The following RGL1 variants were observed in gnomAD, a reference collection of about 807,000 sequenced individuals.
RGL1 encodes the protein ral guanine nucleotide dissociation stimulator-like 1.
In RGL1, 24 loss-of-function variants were observed where a neutral mutation model predicts 95.2. The ratio of observed to expected loss-of-function variants is 0.25; its 90% CI spans 0.18 to 0.35. The LOEUF (loss-of-function observed/expected upper bound fraction) is 0.35, where lower values mean the gene tolerates loss of function less well. RGL1 is among the 10% of genes least tolerant of loss of function. The pLI is 1.00. For missense variants in RGL1, 715 were observed against 936.3 expected (o/e 0.76, Z 3.08); for synonymous variants, 329 against 344.9 (o/e 0.95, Z 0.51).
At chr1:183,660,057 G>A (rs1471974945) in intron 1 of RGL1, among the ~76,000 whole-genome samples, 1 of 152,026 alleles carries the variant, frequency 6.6e-6, no homozygotes, top group Non-Finnish European at 1.5e-5. Flanking sequence ...CCTGAAGGAA[G>A]CACTAAACAT....
intron 3 of RGL1, among the ~76,000 whole-genome samples, chr1:183,850,533 T>C (rs1226012059): frequency 6.6e-6 from 1 of 152,204 alleles, no homozygotes; most frequent in Non-Finnish European, 1.5e-5. Context: ...AATATGTTAA[T>C]CTTCAAGAAT....
chr1:183,729,184 A>ATGTG (rs61621950), intron 1 of RGL1, among the ~76,000 whole-genome samples: 23 of 150,494 alleles, frequency 1.5e-4, no homozygotes, highest in Admixed American at 8.6e-4. Flanking sequence ...TAAAATATAT[A>ATGTG]TGTGTGTGTG....
In RGL1 at chr1:183,883,906, A is replaced by G; in HGVS notation, c.731A>G (p.Asp244Gly). ...DLVAEQLTYMDAQLFKKVVPH... is the reference protein window; with the variant it reads ...DLVAEQLTYMGAQLFKKVVPH... ...GTGGCAGAGCAGCTGACCTACATGG[A>G]TGCAGTATGTCTTCTCTTTGTGATC... Residue 244 changes from aspartate to glycine, a missense_variant, in exon 6 of 18, where the codon GAT (aspartate) becomes GGT (glycine). By Grantham distance (94) the Asp-to-Gly change is moderately conservative (BLOSUM62 -1). Coordinates refer to ENST00000360851, the MANE Select transcript of RGL1 (RefSeq NM_001297671.3). The G allele has an allele frequency of 6.2e-7, 1 of 1,613,892 alleles. No individual in the cohort carries two copies. The highest frequency in any genetic ancestry group is 8.5e-7 in the Non-Finnish European group (1 of 1,179,814).
At chr1:183,817,003 G>A (rs1662136535) in intron 2 of RGL1, among the ~76,000 whole-genome samples, 1 of 152,188 alleles carries the variant, frequency 6.6e-6, no homozygotes, top group Non-Finnish European at 1.5e-5. Flanking sequence ...GATATTTTGT[G>A]TTTGAAAATG....
At chr1:183,685,041 C>T (rs538428005) in intron 1 of RGL1, among the ~76,000 whole-genome samples, 1 of 152,314 alleles carries the variant, frequency 6.6e-6, no homozygotes, top group South Asian at 2.1e-4. Context: ...ATTTGGCCAT[C>T]TTCTATTTAC....
chr1:183,798,920 G>A (rs1396647530), intron 2 of RGL1, among the ~76,000 whole-genome samples: 3 of 118,580 alleles, frequency 2.5e-5, no homozygotes, highest in South Asian at 2.7e-4. Context: ...TTGCTCTGTC[G>A]CCCAGGCTGA....
chr1:183,928,208 G>A lies in RGL1; in HGVS notation c.*1916G>A, dbSNP rs1669729314. ...AAACCATTGGCCTGGTTGAGGGCGT[G>A]ACCACCAAGACATATATGTTGTGCC... On this transcript the variant is annotated 3_prime_UTR_variant, in exon 18 of 18. Coordinates refer to ENST00000360851, the MANE Select transcript of RGL1 (RefSeq NM_001297671.3). 1 of 151,514 alleles carries A rather than the reference G, an allele frequency of 6.6e-6. No homozygotes were observed. The highest frequency in any genetic ancestry group is 6.6e-5 in the Admixed American group (1 of 15,206). 9.4% of individuals were successfully genotyped at this position (151,514 alleles called of 1,614,324 possible).
intron 2 of RGL1, among the ~76,000 whole-genome samples, chr1:183,766,554 T>A (rs1396664496): frequency 2.0e-5 from 3 of 152,202 alleles, no homozygotes; most frequent in Non-Finnish European, 4.4e-5. Flanking sequence ...TTGACTAAAT[T>A]GAATTACCTT....
chr1:183,723,564 G>C (rs2102211031), intron 1 of RGL1, among the ~76,000 whole-genome samples: 1 of 152,300 alleles, frequency 6.6e-6, no homozygotes, highest in South Asian at 2.1e-4. Context: ...CTGTCACAGT[G>C]GAAACAATAC....
chr1:183,736,925 T>G (rs1656974032), intron 1 of RGL1, among the ~76,000 whole-genome samples: 1 of 111,356 alleles, frequency 9.0e-6, no homozygotes. Context: ...TTCTGAATTT[T>G]AAACACTTTC....
intron 1 of RGL1, among the ~76,000 whole-genome samples, chr1:183,715,515 C>T (rs776298517): frequency 3.7e-4 from 56 of 152,102 alleles, no homozygotes; most frequent in Non-Finnish European, 7.2e-4. Context: ...CCTTGTTTCT[C>T]AGGGTACTAT....
intron 4 of RGL1, among the ~76,000 whole-genome samples, chr1:183,879,656 C>A (rs929881223): frequency 8.5e-5 from 13 of 152,340 alleles, no homozygotes; most frequent in African/African-American, 3.1e-4. Context: ...GGTTGCTAGG[C>A]AGGCAGAGTG....
intron 1 of RGL1, among the ~76,000 whole-genome samples, chr1:183,730,506 T>C (rs1656570829): frequency 6.6e-6 from 1 of 152,132 alleles, no homozygotes; most frequent in Non-Finnish European, 1.5e-5. Context: ...ATATTTAAAA[T>C]TGATGTCACT....
chr1:183,658,869 G>T (rs1651394630), intron 1 of RGL1, among the ~76,000 whole-genome samples: 1 of 148,208 alleles, frequency 6.7e-6, no homozygotes, highest in African/African-American at 2.6e-5. Flanking sequence ...AAAACTTCCA[G>T]AGGAACAATC....
At chr1:183,825,379 CA>C (rs1662775674) in intron 2 of RGL1, among the ~76,000 whole-genome samples, 1 of 152,164 alleles carries the variant, frequency 6.6e-6, no homozygotes, top group Admixed American at 6.5e-5. Context: ...TTCAGGGGAC[CA>C]AAAGGTAGAG....
chr1:183,782,281 TG>T (rs1659942918), intron 2 of RGL1, among the ~76,000 whole-genome samples: 1 of 152,200 alleles, frequency 6.6e-6, no homozygotes, highest in African/African-American at 2.4e-5. Context: ...GAGAGGTTAT[TG>T]CCAACTCTGC....
chr1:183,804,488 T>C (rs1337201104), upstream of RGL1, among the ~76,000 whole-genome samples: 1 of 152,240 alleles, frequency 6.6e-6, no homozygotes, highest in African/African-American at 2.4e-5. Context: ...TACAGGCAAC[T>C]CAACCCATGG....
intron 3 of RGL1, among the ~76,000 whole-genome samples, chr1:183,850,283 T>A (rs1224315007): frequency 6.6e-6 from 1 of 151,460 alleles, no homozygotes; most frequent in Non-Finnish European, 1.5e-5. Flanking sequence ...AGTTTGTTGC[T>A]TATCATATGT....
At chr1:183,818,296 C>T (rs756061864) in intron 2 of RGL1, among the ~76,000 whole-genome samples, 7 of 152,158 alleles carry the variant, frequency 4.6e-5, no homozygotes, top group Non-Finnish European at 7.3e-5. Flanking sequence ...ATGAAAAGAC[C>T]TGGTCCTATT....
Sources: allele counts gnomAD v4.1 joint callset (sites outside exome capture counted in the v4.1 genomes callset), GRCh38; gene constraint gnomAD v4.1.1; transcripts MANE v1.5; gene names NCBI Gene and HGNC (gene_info 2026-07-23, HGNC 2026-07-21).